Variants in ASTN2 observed in about 807,000 individuals in gnomAD.
The protein encoded by ASTN2 is astrotactin-2.
A neutral mutation model predicts 139.8 loss-of-function variants in ASTN2; 54 were observed. The ratio of observed to expected loss-of-function variants is 0.39; its 90% CI spans 0.31 to 0.48. ASTN2 has a LOEUF of 0.48. Ranked by LOEUF, ASTN2 falls within the 20% of genes least tolerant of loss-of-function variation. The probability of loss-of-function intolerance (pLI) is 0.95; values close to 1 mark genes in which losing one functional copy is unlikely to be tolerated. For missense variants in ASTN2, 1,565 were observed against 1,725.1 expected, an observed-to-expected ratio of 0.91 and a Z score of 1.64; for synonymous variants, 756 against 719.5, an observed-to-expected ratio of 1.05 and a Z score of -0.81.
intron 10 of ASTN2, 44 bp downstream of exon 10, chr9:116,975,164 G>A: frequency 6.6e-7 from 1 of 1,512,572 alleles, no homozygotes; most frequent in Admixed American, 2.1e-5. Flanking sequence ...GACTTCCAAG[G>A]TTTTAAGAAG....
At chr9:117,025,102 C>T (rs552062690) in intron 6 of ASTN2, among the ~76,000 whole-genome samples, 8 of 152,054 alleles carry the variant, frequency 5.3e-5, no homozygotes, top group African/African-American at 9.6e-5. Context: ...TTATTAGTAG[C>T]GTGAGAACAG....
chr9:116,560,907 A>AC (rs1852871319), intron 19 of ASTN2, among the ~76,000 whole-genome samples: 2 of 152,194 alleles, frequency 1.3e-5, no homozygotes, highest in African/African-American at 4.8e-5. Flanking sequence ...ACTACACATC[A>AC]AAACTGGTAT....
chr9:117,404,389 G>C (rs1367664739), intron 1 of ASTN2, among the ~76,000 whole-genome samples: 2 of 152,184 alleles, frequency 1.3e-5, no homozygotes, highest in African/African-American at 4.8e-5. Context: ...TAGAGACTTG[G>C]TTGTGCTGTG....
intron 7 of ASTN2, among the ~76,000 whole-genome samples, chr9:116,983,061 T>C (rs1171247032): frequency 6.6e-6 from 1 of 152,214 alleles, no homozygotes; most frequent in East Asian, 1.9e-4. Context: ...CATTTTCACT[T>C]GCTTCTAACT....
At position 117,325,835 on chromosome 9, in the gene ASTN2, T is replaced by C. The variant is rs559131014; in HGVS notation, c.443-34322A>G. Among the ~76,000 whole-genome samples the C allele has an allele frequency of 5.3e-4, 80 of 152,274 alleles. 2 individuals carry two copies. In the South Asian group the frequency reaches 0.016, roughly 31 times the overall value. On this transcript the variant is annotated intron_variant, in intron 1 of 22. Transcript: ENST00000313400. ...ATGCATTTCAGACCTGAAGGGGTCC[T>C]TAATAATCATCTAATCCAGGAGTCC... is the stretch of plus-strand genomic sequence containing the variant.
At position 116,698,846 on chromosome 9, in the gene ASTN2, A is replaced by G; in HGVS notation, c.2806+26925T>C. The G allele has an allele frequency of 3.7e-6, 6 of 1,614,228 alleles. No individual in the cohort carries two copies. The highest frequency in any genetic ancestry group is 1.1e-5 in the South Asian group (1 of 91,086). On this transcript the variant is annotated intron_variant, in intron 16 of 22. Coordinates refer to ENST00000313400, the MANE Select transcript of ASTN2 (RefSeq NM_001365068.1). The surrounding 1 kb of genome is among the most constrained non-coding windows in gnomAD (Gnocchi z 4.4). ...AGATGGGGGCCAAAGGCAGCACTCCAGGAATGTTCAATCTTCCAGTCAGTC... is the reference window on the plus strand; with the variant it reads ...AGATGGGGGCCAAAGGCAGCACTCCGGGAATGTTCAATCTTCCAGTCAGTC...
rs192475491 is a variant in ASTN2, at chr9:117,237,653, C to A, written c.631-22911G>T. ...TGCCATCACGCCCCGCTAATTTTTTCTATTTTTAGTAGAGACAGGATTTCA... is the reference window on the plus strand; with the variant it reads ...TGCCATCACGCCCCGCTAATTTTTTATATTTTTAGTAGAGACAGGATTTCA... On this transcript the variant is annotated intron_variant, in intron 2 of 22. Coordinates refer to ENST00000313400, the MANE Select transcript of ASTN2 (RefSeq NM_001365068.1). Among the ~76,000 whole-genome samples the A allele has an allele frequency of 2.6e-5, 4 of 152,192 alleles. No individual in the cohort carries two copies. In the East Asian group the frequency reaches 7.7e-4, roughly 29 times the overall value.
intron 3 of ASTN2, among the ~76,000 whole-genome samples, chr9:117,158,088 CA>C (rs1830469133): frequency 1.3e-5 from 2 of 151,820 alleles, no homozygotes; most frequent in Non-Finnish European, 2.9e-5. Flanking sequence ...AATACTTATA[CA>C]AAATAAAAAA....
chr9:117,274,043 G>A (rs572701644), intron 2 of ASTN2, among the ~76,000 whole-genome samples: 42 of 152,150 alleles, frequency 2.8e-4, no homozygotes, highest in Admixed American at 1.5e-3. Context: ...CCACTCAGGC[G>A]CCTCCCAACA....
intron 17 of ASTN2, among the ~76,000 whole-genome samples, chr9:116,627,289 T>C (rs541944582): frequency 2.0e-4 from 31 of 152,224 alleles, no homozygotes; most frequent in African/African-American, 6.7e-4. Context: ...AACCTTAAAC[T>C]ACATATATAT....
At position 116,805,798 on chromosome 9, in the gene ASTN2, C is replaced by G; in HGVS notation, c.2230G>C (p.Ala744Pro). 1 of 1,613,734 alleles carries G rather than the reference C, an allele frequency of 6.2e-7. No individual in the cohort carries two copies. Among genetic ancestry groups the G allele is most frequent in the Non-Finnish European group, 8.5e-7 (1 of 1,179,762 alleles). ...ATTAAGCAGGATTTTCCATCAGGAG[C>G]CAGTTTGTACTCCTCCACGCAACTG... ...FCGCVEEYKL[A>P]PDGKSCLMLS... The change falls in exon 13 of 23, where the codon GCT becomes CCT. Residue 744 changes from alanine (A) to proline (P), a missense_variant. By Grantham distance (27) the Ala-to-Pro change is conservative. Coordinates refer to ENST00000313400, the MANE Select transcript of ASTN2 (RefSeq NM_001365068.1).
intron 4 of ASTN2, among the ~76,000 whole-genome samples, chr9:117,128,850 A>T (rs1296514748): frequency 6.6e-6 from 1 of 152,220 alleles, no homozygotes; most frequent in African/African-American, 2.4e-5. Flanking sequence ...TCTTACATGG[A>T]TGGCAGCAGG....
chr9:116,487,019 C>T (rs1437548109), intron 20 of ASTN2, among the ~76,000 whole-genome samples: 1 of 152,044 alleles, frequency 6.6e-6, no homozygotes, highest in Non-Finnish European at 1.5e-5. Context: ...GGTAAAAGAT[C>T]ACTAGGCAGA....
At chr9:116,780,997 G>T (rs951069195) in intron 13 of ASTN2, among the ~76,000 whole-genome samples, 21 of 152,094 alleles carry the variant, frequency 1.4e-4, no homozygotes, top group Admixed American at 2.6e-4. Context: ...GTGCCACCCC[G>T]CCTGGCTAAT....
intron 19 of ASTN2, among the ~76,000 whole-genome samples, chr9:116,523,838 T>G (rs970284675): frequency 1.3e-5 from 2 of 152,148 alleles, no homozygotes; most frequent in Non-Finnish European, 2.9e-5. Context: ...AATTATTACT[T>G]TGGTACTTTA....
At chr9:117,250,637 C>A (rs2133090174) in intron 2 of ASTN2, among the ~76,000 whole-genome samples, 1 of 152,106 alleles carries the variant, frequency 6.6e-6, no homozygotes, top group East Asian at 1.9e-4. Context: ...TGGCTTTTGC[C>A]ATGACTTTAA....
intron 1 of ASTN2, among the ~76,000 whole-genome samples, chr9:117,328,481 C>T (rs1828594046): frequency 1.3e-5 from 2 of 152,158 alleles, no homozygotes; most frequent in Non-Finnish European, 2.9e-5. Flanking sequence ...CCCTGAAAGA[C>T]CTCAGGCTGA....
At chr9:117,060,336 A>AAGAAAGAG (rs1425466583) in intron 5 of ASTN2, among the ~76,000 whole-genome samples, 1 of 80,774 alleles carries the variant, frequency 1.2e-5, no homozygotes, top group Admixed American at 1.4e-4. Flanking sequence ...GAAAGAAAGA[A>AAGAAAGAG]AGAAAGAGAG....
At chr9:116,995,201 GT>G (rs1440015611) in intron 7 of ASTN2, among the ~76,000 whole-genome samples, 1 of 152,120 alleles carries the variant, frequency 6.6e-6, no homozygotes, top group East Asian at 1.9e-4. Flanking sequence ...GGAATCAGTG[GT>G]CTTCTTCATT....
Sources: allele counts gnomAD v4.1 joint callset (sites outside exome capture counted in the v4.1 genomes callset), GRCh38; gene constraint gnomAD v4.1.1; non-coding constraint Gnocchi (gnomAD v3.1); transcripts MANE v1.5; gene names NCBI Gene and HGNC (gene_info 2026-07-23, HGNC 2026-07-21).